Variants in FAT2 observed in about 807,000 individuals in gnomAD.
FAT2 encodes FAT atypical cadherin 2.
Under a neutral mutation model 295.3 loss-of-function variants are expected in FAT2, and 150 were observed. That is an observed-to-expected ratio of 0.51 (90% CI 0.44 to 0.58). The LOEUF is 0.58. Ranked by LOEUF, FAT2 falls within the 20% of genes least tolerant of loss-of-function variation. The pLI, the probability that FAT2 is intolerant of heterozygous loss-of-function variation, is 0.00. For missense variants in FAT2, 4,868 were observed against 5,442.7 expected, an observed-to-expected ratio of 0.89 and a Z score of 3.32; for synonymous variants, 2,026 against 2,150.3, an observed-to-expected ratio of 0.94 and a Z score of 1.60.
intron 20 of FAT2, among the ~76,000 whole-genome samples, chr5:151,515,255 T>C (rs1227954751): frequency 6.6e-6 from 1 of 152,208 alleles, no homozygotes; most frequent in African/African-American, 2.4e-5. Flanking sequence ...GCATCACCGG[T>C]TACTCATGTT....
chr5:151,583,717 G>A (rs1354024072), intron 1 of FAT2, among the ~76,000 whole-genome samples: 1 of 151,840 alleles, frequency 6.6e-6, no homozygotes, highest in Non-Finnish European at 1.5e-5. Context: ...TTTTTTAGGG[G>A]CCAGGCATGG....
rs754315856 is a variant in FAT2, at chr5:151,537,848, G to C, written c.9138C>G (p.Ile3046Met). ...CCCCAGGGCCATGCAGAGAATATGT[G>C]ATCTGAGCATTGGTATCAGTGTCCA... ...TDLDTDTNAQITYSLHGPGAH... is the reference protein window; with the variant it reads ...TDLDTDTNAQMTYSLHGPGAH... Residue 3046 changes from isoleucine to methionine, a missense_variant, in exon 12 of 24, where the codon ATC becomes ATG. Physicochemically the swap from Ile to Met is conservative, Grantham distance 10 (BLOSUM62 1). This residue lies in a region of FAT2 where 1,046 missense variants were observed against 1,210.1 expected (regional missense o/e 0.86). Coordinates refer to ENST00000261800, the MANE Select transcript of FAT2 (RefSeq NM_001447.3). 8 of 1,614,064 alleles carry C rather than the reference G, an allele frequency of 5.0e-6. No individual in the cohort carries two copies. Among genetic ancestry groups the C allele is most frequent in the Middle Eastern group, 1.6e-4 (1 of 6,084 alleles).
rs756591064 is a variant in FAT2 at position 151,566,034 on chromosome 5, A to G, written c.2898T>C (p.Asp966=). ...CCACCCGGAAGGTCCCATGGGCGCCATCCATCAGAACATATCGCACTTCAC... is the reference window on the plus strand; with the variant it reads ...CCACCCGGAAGGTCCCATGGGCGCCGTCCATCAGAACATATCGCACTTCAC... ...PAGEVRYVLM[D]GAHGTFRVDL... The change falls in exon 2 of 24, where the codon GAT becomes GAC. Residue 966 remains aspartate, a synonymous_variant. Coordinates refer to ENST00000261800, the MANE Select transcript of FAT2 (RefSeq NM_001447.3). 10 of 1,614,062 alleles carry G rather than the reference A, an allele frequency of 6.2e-6. No homozygotes were observed. The East Asian group carries it at 1.8e-4, about 29-fold the overall frequency.
At chr5:151,528,304 C>T (rs1754237802) in intron 15 of FAT2, among the ~76,000 whole-genome samples, 171 bp from the exon 16 acceptor site, 1 of 152,194 alleles carries the variant, frequency 6.6e-6, no homozygotes, top group African/African-American at 2.4e-5. Context: ...GTGTGGACTT[C>T]AGCATGCCAT....
intron 15 of FAT2, 21 bp from the exon 16 acceptor site, chr5:151,528,154 T>G (rs371919170): frequency 1.1e-5 from 18 of 1,611,282 alleles, no homozygotes; most frequent in Admixed American, 1.7e-5. Flanking sequence ...GTAGGGGGAT[T>G]GTGAATGGAG....
At chr5:151,559,569 C>T (rs1312238827) in intron 3 of FAT2, among the ~76,000 whole-genome samples, 1 of 151,978 alleles carries the variant, frequency 6.6e-6, no homozygotes, top group African/African-American at 2.4e-5. Flanking sequence ...TGTGTTTCTC[C>T]TTCACCATCC....
intron 1 of FAT2, among the ~76,000 whole-genome samples, chr5:151,584,612 T>C (rs781568198): frequency 2.6e-5 from 4 of 152,214 alleles, no homozygotes; most frequent in Non-Finnish European, 5.9e-5. Context: ...ACGTTGATTA[T>C]AGCACCTAGC....
chr5:151,565,202 T>C (rs1037633254), intron 2 of FAT2, among the ~76,000 whole-genome samples: 8 of 152,126 alleles, frequency 5.3e-5, no homozygotes, highest in Non-Finnish European at 8.8e-5. Context: ...ACAAATAAAA[T>C]GTCTTGATAT....
Position 151,510,140 on chromosome 5 carries a change from C to G in FAT2, c.11940G>C (p.Gly3980=). 3.1e-6 allele frequency: 5 copies of G among 1,614,126 alleles called. No homozygotes were observed. Among genetic ancestry groups the G allele is most frequent in the Non-Finnish European group, 4.2e-6 (5 of 1,180,014 alleles). Reference sequence around the variant, plus strand: ...TCTCCCTTCCTTGTTCACAGTGCTTCCCAGAGAACTGTGGGGGACATTTGC... The same window carrying G: ...TCTCCCTTCCTTGTTCACAGTGCTTGCCAGAGAACTGTGGGGGACATTTGC... ...YVCKCPPQFS[G]KHCEQGRENC... is the part of the protein sequence containing the mutation. Residue 3980 remains glycine (G), a synonymous_variant, in exon 22 of 24, where the codon GGG becomes GGC. Coordinates refer to ENST00000261800, the MANE Select transcript of FAT2 (RefSeq NM_001447.3).
chr5:151,551,354 T>TG lies in FAT2; in HGVS notation c.4296+112_4296+113insC, dbSNP rs1757192733. The TG allele has an allele frequency of 2.7e-6, 3 of 1,121,644 alleles. No homozygotes were observed. In the East Asian group the frequency reaches 7.1e-5, roughly 27 times the overall value. The allele number at this position is 1,121,644 out of a possible 1,614,324, so 69.5% of individuals were successfully genotyped here. A position where few individuals can be genotyped will look rare whatever the true frequency, so the allele number is the denominator to read the frequency against. On this transcript the variant is annotated intron_variant, in intron 7 of 23. Transcript: ENST00000261800. ...ATTAGACAAGAACTTTGATTCTAAATTCAGTGTTCCTTGAGGAACACCACA... is the reference window on the plus strand; with the variant it reads ...ATTAGACAAGAACTTTGATTCTAAATGTCAGTGTTCCTTGAGGAACACCACA...
At chr5:151,518,197 CATGGTGCCTCA>C (rs1482167199) in intron 19 of FAT2, among the ~76,000 whole-genome samples, 2 of 151,814 alleles carry the variant, frequency 1.3e-5, no homozygotes, top group Admixed American at 6.6e-5. Flanking sequence ...AATAGCCAGG[CATGGTGCCTCA>C]TGCCTGTAAC....
intron 11 of FAT2, among the ~76,000 whole-genome samples, chr5:151,539,802 A>G (rs906512458): frequency 1.3e-5 from 2 of 152,242 alleles, no homozygotes; most frequent in Non-Finnish European, 2.9e-5. Flanking sequence ...ACAAACACAC[A>G]TACACACCCC....
chr5:151,553,893 G>A (rs947766674), intron 5 of FAT2, among the ~76,000 whole-genome samples: 1 of 152,234 alleles, frequency 6.6e-6, no homozygotes, highest in African/African-American at 2.4e-5. Flanking sequence ...CCTGCCAGAT[G>A]AAATGCTTGG....
At chr5:151,564,677 TAAAA>T (rs1345082445) in intron 2 of FAT2, among the ~76,000 whole-genome samples, 1 of 152,178 alleles carries the variant, frequency 6.6e-6, no homozygotes, top group Non-Finnish European at 1.5e-5. Context: ...CCTTGAAACT[TAAAA>T]AAAGGAATGT....
chr5:151,529,096 C>T (rs774517059), intron 15 of FAT2, 82 bp downstream of exon 15: 75 of 1,189,940 alleles, frequency 6.3e-5, no homozygotes, highest in Non-Finnish European at 9.0e-5. Flanking sequence ...AATCCATGCT[C>T]ATAGATGGCT....
Position 151,529,407 on chromosome 5 carries a change from G to A in FAT2, c.9812-15C>T, listed in dbSNP as rs752370484. ...ATACAGGATCCCTGAAGAAGCAAGAGGTGACAGCAGCAATGAGGCAGTTGG... is the reference window on the plus strand; with the variant it reads ...ATACAGGATCCCTGAAGAAGCAAGAAGTGACAGCAGCAATGAGGCAGTTGG... On this transcript the variant is annotated splice_polypyrimidine_tract_variant and intron_variant, in intron 14 of 23. Coordinates refer to ENST00000261800, the MANE Select transcript of FAT2 (RefSeq NM_001447.3). The A allele has an allele frequency of 1.9e-6, 3 of 1,611,962 alleles. No homozygotes were observed. In the South Asian group the frequency reaches 3.3e-5, roughly 18 times the overall value.
intron 12 of FAT2, among the ~76,000 whole-genome samples, chr5:151,537,216 A>T (rs1755430933): frequency 7.5e-6 from 1 of 133,488 alleles, no homozygotes; most frequent in Non-Finnish European, 1.7e-5. Flanking sequence ...GAAGAGGAAG[A>T]AGAAGAGGAG....
intron 1 of FAT2, among the ~76,000 whole-genome samples, chr5:151,582,771 C>A (rs1464114153): frequency 6.6e-6 from 1 of 152,176 alleles, no homozygotes; most frequent in Non-Finnish European, 1.5e-5. Context: ...ATCGCAACCT[C>A]TTCCTCAAAA....
At chr5:151,541,827 G>C (rs1171658459) in intron 10 of FAT2, among the ~76,000 whole-genome samples, 3 of 152,216 alleles carry the variant, frequency 2.0e-5, no homozygotes, top group Non-Finnish European at 2.9e-5. Context: ...CTAAGGAAGT[G>C]CTGTCATTCT....
Sources: allele counts gnomAD v4.1 joint callset (sites outside exome capture counted in the v4.1 genomes callset), GRCh38; gene constraint gnomAD v4.1.1; regional missense constraint gnomAD v4.1.1; transcripts MANE v1.5; gene names NCBI Gene and HGNC (gene_info 2026-07-23, HGNC 2026-07-21).